The following GAP43 variants were observed in gnomAD, a reference collection of about 807,000 sequenced individuals.
The protein encoded by GAP43 is growth associated protein 43, also known as neuromodulin.
A neutral mutation model predicts 18.6 loss-of-function variants in GAP43; 6 were observed. The ratio of observed to expected loss-of-function variants is 0.32; its 90% confidence interval spans 0.18 to 0.64. The LOEUF (loss-of-function observed/expected upper bound fraction) is 0.64, where lower values mean the gene tolerates loss of function less well. Among genes scored for constraint, GAP43 ranks in the 30% least tolerant of loss-of-function variants. The pLI is 0.78. For missense variants in GAP43, 292 were observed against 295.5 expected, an observed-to-expected ratio of 0.99 and a Z score of 0.09; for synonymous variants, 115 against 111.4, an observed-to-expected ratio of 1.03 and a Z score of -0.20.
At chr3:115,647,174 G>A (rs9852948) in intron 1 of GAP43, among the ~76,000 whole-genome samples, 6,459 of 95,302 alleles carry the variant, frequency 0.068, 331 homozygotes, top group South Asian at 0.24. Flanking sequence ...AGACCCCATA[G>A]AGCTTCCTTG....
intron 2 of GAP43, among the ~76,000 whole-genome samples, chr3:115,694,542 G>C (rs1709159625): frequency 6.6e-6 from 1 of 152,166 alleles, no homozygotes; most frequent in Admixed American, 6.5e-5. Flanking sequence ...TCTGCTAAAA[G>C]CTCCACATGG....
chr3:115,654,800 G>C (rs1434101333), intron 1 of GAP43, among the ~76,000 whole-genome samples: 5 of 152,106 alleles, frequency 3.3e-5, no homozygotes, highest in African/African-American at 1.2e-4. Context: ...GTGGTTTCTT[G>C]GGGGAAAATA....
At chr3:115,719,452 A>G (rs1020326075) in intron 2 of GAP43, among the ~76,000 whole-genome samples, 1 of 152,126 alleles carries the variant, frequency 6.6e-6, no homozygotes, top group Admixed American at 6.6e-5. Flanking sequence ...TTTATGCTGA[A>G]CATCTATTTT....
At chr3:115,680,583 CAATT>C (rs1213533806) in intron 2 of GAP43, among the ~76,000 whole-genome samples, 1 of 152,136 alleles carries the variant, frequency 6.6e-6, no homozygotes, top group Non-Finnish European at 1.5e-5. Flanking sequence ...TTCATAATCT[CAATT>C]AAATTCTGCA....
At chr3:115,706,163 A>G (rs1363505233) in intron 2 of GAP43, among the ~76,000 whole-genome samples, 1 of 137,160 alleles carries the variant, frequency 7.3e-6, no homozygotes, top group East Asian at 2.0e-4. Context: ...TACTTCCTGG[A>G]AATGAGAACT....
chr3:115,704,748 T>C (rs887793671), intron 2 of GAP43, among the ~76,000 whole-genome samples: 4 of 152,118 alleles, frequency 2.6e-5, no homozygotes, highest in African/African-American at 9.7e-5. Flanking sequence ...CCCAAGGCTA[T>C]GAAAGGCAAT....
chr3:115,704,527 A>T (rs1709336813), intron 2 of GAP43, among the ~76,000 whole-genome samples: 1 of 152,090 alleles, frequency 6.6e-6, no homozygotes, highest in Non-Finnish European at 1.5e-5. Context: ...TAAAACAGTA[A>T]TCCTCAGCCA....
intron 1 of GAP43, chr3:115,664,027 C>G: frequency 2.0e-6 from 2 of 993,968 alleles, no homozygotes; most frequent in Non-Finnish European, 3.0e-6. Context: ...TAACTAATGT[C>G]CTTCTACTTA....
chr3:115,720,797 C>A lies in GAP43; in HGVS notation c.632C>A (p.Ala211Asp). 1 of 1,611,142 alleles carries A rather than the reference C, an allele frequency of 6.2e-7. No homozygotes were observed. Among genetic ancestry groups the A allele is most frequent in the South Asian group, 1.1e-5 (1 of 90,938 alleles). The part of the protein sequence containing the change: ...ESSQAEENIE[A>D]VDETKPKESA... ...CCTATCTTGTTTTCTTTCTCAGAAG[C>A]TGTAGATGAAACCAAACCTAAGGAA... is the stretch of plus-strand genomic sequence containing the variant. Residue 211 changes from alanine to aspartate, a missense_variant, in exon 3 of 3, where the codon GCT (alanine) becomes GAT (aspartate). Physicochemically the swap from Ala to Asp is moderately radical, Grantham distance 126. Transcript: ENST00000305124.
chr3:115,689,365 G>C (rs1264342658), intron 2 of GAP43, among the ~76,000 whole-genome samples: 1 of 152,190 alleles, frequency 6.6e-6, no homozygotes, highest in Non-Finnish European at 1.5e-5. Flanking sequence ...ACAGCACATA[G>C]AAGGCTCTCA....
intron 1 of GAP43, among the ~76,000 whole-genome samples, chr3:115,664,501 T>C (rs1030242198): frequency 4.6e-5 from 7 of 152,138 alleles, no homozygotes; most frequent in African/African-American, 1.7e-4. Flanking sequence ...CTAATATGGG[T>C]GATAAGAAAA....
At chr3:115,671,555 A>C (rs1287078003) in intron 1 of GAP43, among the ~76,000 whole-genome samples, 1 of 152,236 alleles carries the variant, frequency 6.6e-6, no homozygotes, top group Non-Finnish European at 1.5e-5. Context: ...AAGCCATAAC[A>C]ATAAAGATTC....
chr3:115,624,055 G>A (rs548213534), intron 1 of GAP43, among the ~76,000 whole-genome samples: 50 of 151,628 alleles, frequency 3.3e-4, no homozygotes, highest in Admixed American at 2.9e-3. Flanking sequence ...AGATGATGTG[G>A]GCTCTACCTA....
At chr3:115,643,599 C>G (rs764947658) in intron 1 of GAP43, among the ~76,000 whole-genome samples, 7 of 152,036 alleles carry the variant, frequency 4.6e-5, no homozygotes, top group Non-Finnish European at 7.4e-5. Flanking sequence ...AACATATTCA[C>G]GAGTAGCTTC....
chr3:115,623,651 A>AG lies in GAP43; in HGVS notation c.-37dup. The AG allele has an allele frequency of 6.2e-7, 1 of 1,613,052 alleles. No individual in the cohort carries two copies. Among genetic ancestry groups the AG allele is most frequent in the South Asian group, 1.1e-5 (1 of 91,038 alleles). ...GGGAATAAGAAAGAGAGAGAAGGAA[A>AG]GGAGAGAAGGCAGGAAGAAGGCAAG... On this transcript the variant is annotated 5_prime_UTR_variant, in exon 1 of 3. Coordinates refer to ENST00000305124, the MANE Select transcript of GAP43 (RefSeq NM_002045.4).
chr3:115,627,106 G>A lies in GAP43; in HGVS notation c.30+3387G>A, dbSNP rs1251090347. ...CCAAATTTAAACAGAAAAAATATTT[G>A]AAGGGCATTTTCTTTCTTTTTTCTT... On this transcript the variant is annotated intron_variant, in intron 1 of 2. Coordinates refer to ENST00000305124, the MANE Select transcript of GAP43 (RefSeq NM_002045.4). Among the ~76,000 whole-genome samples the A allele has an allele frequency of 2.1e-5, 3 of 143,946 alleles. No individual in the cohort carries two copies. The East Asian group carries it at 6.2e-4, about 30-fold the overall frequency. 94.4% of individuals were successfully genotyped at this position (143,946 alleles called of 152,430 possible). A position where few individuals can be genotyped will look rare whatever the true frequency, so the allele number is the denominator to read the frequency against.
At chr3:115,719,558 T>C (rs777430433) in intron 2 of GAP43, among the ~76,000 whole-genome samples, 1 of 152,230 alleles carries the variant, frequency 6.6e-6, no homozygotes, top group Admixed American at 6.5e-5. Context: ...CCCTAATAGA[T>C]GACATCTTCC....
intron 1 of GAP43, among the ~76,000 whole-genome samples, chr3:115,624,169 G>A (rs1708153295): frequency 6.6e-6 from 1 of 152,126 alleles, no homozygotes; most frequent in Admixed American, 6.5e-5. Flanking sequence ...TTTCTCACAT[G>A]TGCTGCGGAA....
intron 2 of GAP43, among the ~76,000 whole-genome samples, chr3:115,694,748 A>C (rs532986494): frequency 2.6e-5 from 4 of 152,378 alleles, no homozygotes; most frequent in South Asian, 4.1e-4. Flanking sequence ...CTCAAGATAG[A>C]AAAGGAACAG....
Sources: gnomAD v4.1 joint callset for allele counts (sites outside exome capture counted in the v4.1 genomes callset) on GRCh38, gnomAD v4.1.1 for gene constraint, MANE v1.5 for transcripts, NCBI Gene and HGNC (gene_info 2026-07-23, HGNC 2026-07-21) for gene names.